METTL24: variants seen among roughly 807,000 people sequenced by gnomAD.
METTL24 encodes the protein probable methyltransferase-like protein 24.
A neutral mutation model predicts 32.7 loss-of-function variants in METTL24; 29 were observed. The observed-to-expected ratio is 0.89, with a 90% CI of 0.66 to 1.21. The LOEUF (loss-of-function observed/expected upper bound fraction) is 1.21. Ranked by LOEUF, METTL24 falls within the 50% of genes most tolerant of loss-of-function variation. The probability of loss-of-function intolerance (pLI) is 0.00; values close to 1 mark genes in which losing one functional copy is unlikely to be tolerated. For synonymous variants in METTL24, 163 were observed against 179.5 expected, an observed-to-expected ratio of 0.91 and a Z score of 0.73; for missense variants, 439 against 468.1, an observed-to-expected ratio of 0.94 and a Z score of 0.57.
At chr6:110,253,440 CA>C (rs1469520397) in intron 4 of METTL24, among the ~76,000 whole-genome samples, 1 of 152,128 alleles carries the variant, frequency 6.6e-6, no homozygotes, top group Non-Finnish European at 1.5e-5. Flanking sequence ...ATAACTAGAA[CA>C]GAGACTAAGT....
chr6:110,357,530 G>C (rs905354267), intron 1 of METTL24: 1 of 152,436 alleles, frequency 6.6e-6, no homozygotes, highest in African/African-American at 2.4e-5. Context: ...ACCCAACTCT[G>C]TCCAGGCCTT....
intron 4 of METTL24, among the ~76,000 whole-genome samples, chr6:110,247,393 A>T (rs1778187453): frequency 6.6e-6 from 1 of 152,240 alleles, no homozygotes; most frequent in Admixed American, 6.5e-5. Context: ...TGCCTCTTCC[A>T]ATACACCCAA....
intron 1 of METTL24, among the ~76,000 whole-genome samples, chr6:110,344,498 G>A (rs1371855450): frequency 6.6e-6 from 1 of 151,960 alleles, no homozygotes; most frequent in Non-Finnish European, 1.5e-5. Flanking sequence ...TAATAAATAG[G>A]TAGTTATATA....
intron 1 of METTL24, among the ~76,000 whole-genome samples, chr6:110,354,332 T>A (rs971352355): frequency 2.0e-5 from 3 of 152,222 alleles, no homozygotes; most frequent in Non-Finnish European, 4.4e-5. Flanking sequence ...TAAGCTGTGA[T>A]TAAAGTGGCA....
chr6:110,341,620 T>G (rs1192744039), intron 1 of METTL24, among the ~76,000 whole-genome samples: 1 of 152,220 alleles, frequency 6.6e-6, no homozygotes, highest in Non-Finnish European at 1.5e-5. Flanking sequence ...CTAAGAAGCC[T>G]TAATATCAAA....
At chr6:110,300,201 G>A (rs1183438552) in intron 3 of METTL24, among the ~76,000 whole-genome samples, 1 of 152,084 alleles carries the variant, frequency 6.6e-6, no homozygotes, top group Non-Finnish European at 1.5e-5. Flanking sequence ...AAGGGCGAAT[G>A]TTTTGTATCT....
At chr6:110,295,681 G>A (rs763490906) in intron 4 of METTL24, among the ~76,000 whole-genome samples, 18 of 152,154 alleles carry the variant, frequency 1.2e-4, no homozygotes, top group Non-Finnish European at 2.4e-4. Flanking sequence ...AGGACCAATT[G>A]CCTTTCAGTT....
rs1454361940 is a variant in METTL24, at chr6:110,246,081, T to G, written c.966A>C (p.Lys322Asn). Residue 322 changes from lysine (K) to asparagine (N), a missense_variant, in exon 5 of 5, where the codon AAA becomes AAC. Coordinates refer to ENST00000338882, the MANE Select transcript of METTL24 (RefSeq NM_001123364.3). ...SVVRFWYSLL[K>N]ELEQKDFRLF... ...GCCTGAAATCCTTTTGTTCTAACTC[T>G]TTGAGAAGGCTGTACCAGAACCGCA... The G allele has an allele frequency of 6.2e-7, 1 of 1,614,224 alleles. No individual in the cohort carries two copies.
chr6:110,327,371 G>A (rs1348173819), intron 1 of METTL24, among the ~76,000 whole-genome samples: 3 of 152,190 alleles, frequency 2.0e-5, no homozygotes, highest in Admixed American at 2.0e-4. Context: ...ATGATCTTAA[G>A]GGTCCACAAA....
intron 2 of METTL24, among the ~76,000 whole-genome samples, chr6:110,315,818 C>G (rs1472196432): frequency 1.3e-5 from 2 of 152,126 alleles, no homozygotes; most frequent in African/African-American, 4.8e-5. Flanking sequence ...TAGAGGGGTG[C>G]TAGTCCTGGA....
chr6:110,341,153 T>C (rs1241489925), intron 1 of METTL24, among the ~76,000 whole-genome samples: 1 of 152,172 alleles, frequency 6.6e-6, no homozygotes, highest in East Asian at 1.9e-4. Flanking sequence ...AAATTATACA[T>C]ATAGATGGCA....
intron 3 of METTL24, among the ~76,000 whole-genome samples, chr6:110,300,246 T>A (rs2114732973): frequency 6.6e-6 from 1 of 152,164 alleles, no homozygotes; most frequent in Non-Finnish European, 1.5e-5. Flanking sequence ...AGTTCGTGGA[T>A]TTTGGTATCC....
chr6:110,257,491 G>T (rs1218174987), intron 4 of METTL24, among the ~76,000 whole-genome samples: 1 of 152,106 alleles, frequency 6.6e-6, no homozygotes, highest in Non-Finnish European at 1.5e-5. Context: ...ATACTGGATG[G>T]TGCAGCCACA....
Position 110,298,989 on chromosome 6 carries a change from G to T in METTL24, c.719C>A (p.Ala240Asp), listed in dbSNP as rs761300810. Residue 240 changes from alanine to aspartate, a missense_variant, in exon 4 of 5, where the codon GCT becomes GAT. Ala to Asp is a moderately radical substitution (Grantham distance 126). Transcript: ENST00000338882. ...IDWRDPHPAVAAQKPHSNTRK... is the reference protein window; with the variant it reads ...IDWRDPHPAVDAQKPHSNTRK... Reference sequence around the variant, plus strand: ...GGTGTTGCTATGTGGTTTTTGGGCAGCAACAGCTGGATGGGGATCCCGCCA... The same window carrying T: ...GGTGTTGCTATGTGGTTTTTGGGCATCAACAGCTGGATGGGGATCCCGCCA... 3.7e-6 allele frequency: 6 copies of T among 1,614,058 alleles called. No homozygotes were observed. Among genetic ancestry groups the T allele is most frequent in the Non-Finnish European group, 5.1e-6 (6 of 1,180,042 alleles).
At chr6:110,268,660 C>CT (rs1200419952) in intron 4 of METTL24, among the ~76,000 whole-genome samples, 2 of 151,938 alleles carry the variant, frequency 1.3e-5, no homozygotes, top group Admixed American at 6.6e-5. Context: ...GTTCCATGGA[C>CT]TTTTTTTTAG....
intron 2 of METTL24, among the ~76,000 whole-genome samples, chr6:110,316,366 T>C (rs971218381): frequency 6.6e-6 from 1 of 152,210 alleles, no homozygotes; most frequent in Non-Finnish European, 1.5e-5. Context: ...GCTGAGGCTG[T>C]TGAAACCAAA....
In METTL24 at chr6:110,311,084, G is replaced by C. The variant is rs532759939; in HGVS notation, c.557+4258C>G. On this transcript the variant is annotated intron_variant, in intron 3 of 4. Transcript: ENST00000338882. ...CTCAAAACTGTTCCAACACTCCCTG[G>C]TGCTGGGAACCCGGGGCCACCTTCC... Among the ~76,000 whole-genome samples, 70 of 152,198 alleles carry C rather than the reference G, an allele frequency of 4.6e-4. 1 individual carries two copies. In the South Asian group the frequency reaches 5.6e-3, roughly 12 times the overall value.
intron 3 of METTL24, among the ~76,000 whole-genome samples, chr6:110,302,772 CAT>C (rs1199277794): frequency 1.3e-5 from 2 of 151,944 alleles, no homozygotes; most frequent in Non-Finnish European, 2.9e-5. Context: ...ATTATATATT[CAT>C]ATGTTTTCTA....
At chr6:110,278,056 G>T (rs1771077193) in intron 4 of METTL24, among the ~76,000 whole-genome samples, 1 of 152,154 alleles carries the variant, frequency 6.6e-6, no homozygotes, top group South Asian at 2.1e-4. Flanking sequence ...TGCCACCGAT[G>T]ATGATATTAG....
Sources: gnomAD v4.1 joint callset for allele counts (sites outside exome capture counted in the v4.1 genomes callset) on GRCh38, gnomAD v4.1.1 for gene constraint, MANE v1.5 for transcripts, NCBI Gene and HGNC (gene_info 2026-07-23, HGNC 2026-07-21) for gene names.